RPTOR: variants seen among roughly 807,000 people sequenced by gnomAD.
The protein encoded by RPTOR is regulatory associated protein of MTOR complex 1, also known as regulatory-associated protein of mTOR.
Under a neutral mutation model 169.9 loss-of-function variants are expected in RPTOR, and 21 were observed. That is an observed-to-expected ratio of 0.12 (90% CI 0.09 to 0.18). The LOEUF (loss-of-function observed/expected upper bound fraction) is 0.18, where lower values mean the gene tolerates loss of function less well. Among genes scored for constraint, RPTOR ranks in the 10% least tolerant of loss-of-function variants. The pLI, the probability that RPTOR is intolerant of heterozygous loss-of-function variation, is 1.00. For missense variants in RPTOR, 1,133 were observed against 1,855.9 expected, an observed-to-expected ratio of 0.61 and a Z score of 7.16; for synonymous variants, 732 against 753.2, an observed-to-expected ratio of 0.97 and a Z score of 0.46.
intron 7 of RPTOR, among the ~76,000 whole-genome samples, chr17:80,798,290 G>A (rs1045967458): frequency 1.2e-4 from 19 of 152,150 alleles, no homozygotes; most frequent in Non-Finnish European, 7.3e-5. Flanking sequence ...CTCTGGAGCC[G>A]CCTTGCCCAT....
intron 4 of RPTOR, among the ~76,000 whole-genome samples, chr17:80,725,972 A>ATGT (rs1173668733): frequency 1.3e-5 from 2 of 152,154 alleles, no homozygotes; most frequent in Non-Finnish European, 2.9e-5. Context: ...ATGTCCAGCA[A>ATGT]CCTGGAGATT....
At chr17:80,907,861 T>C (rs935202092) in intron 20 of RPTOR, among the ~76,000 whole-genome samples, 9 of 152,212 alleles carry the variant, frequency 5.9e-5, no homozygotes, top group African/African-American at 1.9e-4. Context: ...TTCGTGCCTC[T>C]TCCACCAGGC....
At chr17:80,685,627 A>ATATTTTTTTTTTTTTTTT (rs1269766086) in intron 3 of RPTOR, among the ~76,000 whole-genome samples, 1 of 30,700 alleles carries the variant, frequency 3.3e-5, no homozygotes, top group Non-Finnish European at 5.4e-5. Flanking sequence ...ATATATATAT[A>ATATTTTTTTTTTTTTTTT]TTTTTTTTTT....
Position 80,885,076 on chromosome 17 carries a change from C to T in RPTOR, c.1911C>T (p.Ser637=). ...VGNSAERTDH[S]TTIDHNVAMM... is the part of the protein sequence containing the mutation. The stretch of plus-strand genomic sequence containing the variant: ...ACTCTGCAGAGAGGACGGACCACTC[C>T]ACCACCATCGACCACAACGTGGCCA... The change falls in exon 17 of 34, where the codon TCC becomes TCT. Residue 637 remains serine (S), a synonymous_variant. Transcript: ENST00000306801. 3 of 1,604,172 alleles carry T rather than the reference C, an allele frequency of 1.9e-6. No individual in the cohort carries two copies. The highest frequency in any genetic ancestry group is 2.6e-6 in the Non-Finnish European group (3 of 1,176,314).
chr17:80,702,298 A>G (rs528646640), intron 3 of RPTOR, among the ~76,000 whole-genome samples: 2 of 151,944 alleles, frequency 1.3e-5, no homozygotes, highest in Admixed American at 1.3e-4. Flanking sequence ...CTGCTGTCAC[A>G]TCCTCCAAAA....
intron 16 of RPTOR, among the ~76,000 whole-genome samples, chr17:80,884,771 C>T (rs2068225316): frequency 6.6e-6 from 1 of 152,212 alleles, no homozygotes; most frequent in Non-Finnish European, 1.5e-5. Context: ...GTTCCCGGGG[C>T]AATGCAGCTC....
At chr17:80,716,277 G>A (rs1025105415) in intron 4 of RPTOR, among the ~76,000 whole-genome samples, 127 of 152,248 alleles carry the variant, frequency 8.3e-4, no homozygotes, top group African/African-American at 2.9e-3. Context: ...AGGTAAGGTG[G>A]TATCTATTGC....
intron 20 of RPTOR, among the ~76,000 whole-genome samples, chr17:80,897,372 A>G (rs2068419993): frequency 6.6e-6 from 1 of 152,178 alleles, no homozygotes; most frequent in Non-Finnish European, 1.5e-5. Flanking sequence ...GCTCTATATC[A>G]GTTTATAGAA....
At chr17:80,857,659 G>T in intron 12 of RPTOR, 131 bp from the exon 13 acceptor site, 1 of 620,412 alleles carries the variant, frequency 1.6e-6, no homozygotes, top group East Asian at 2.7e-5. Flanking sequence ...CTTTAAGTGA[G>T]GCCCATTCAT....
At position 80,917,701 on chromosome 17, in the gene RPTOR, G is replaced by A. The variant is rs151253919; in HGVS notation, c.2521-5023G>A. Among the ~76,000 whole-genome samples, 132 of 152,172 alleles carry A rather than the reference G, an allele frequency of 8.7e-4. 1 individual carries two copies. The highest frequency in any genetic ancestry group is 2.8e-3 in the African/African-American group (118 of 41,508). The stretch of plus-strand genomic sequence containing the variant: ...GATATTCTGATTTCTTTTTAACCTC[G>A]TCAAATGGCATTTCCTTAACTGAGA... On this transcript the variant is annotated intron_variant, in intron 21 of 33. Coordinates refer to ENST00000306801, the MANE Select transcript of RPTOR (RefSeq NM_020761.3).
At chr17:80,619,312 A>G (rs2065337800) in intron 1 of RPTOR, among the ~76,000 whole-genome samples, 1 of 152,136 alleles carries the variant, frequency 6.6e-6, no homozygotes, top group South Asian at 2.1e-4. Flanking sequence ...TAATTTCTTC[A>G]TTCTGCATGG....
intron 1 of RPTOR, among the ~76,000 whole-genome samples, chr17:80,546,961 C>T (rs571458565): frequency 6.6e-5 from 10 of 151,976 alleles, no homozygotes; most frequent in Non-Finnish European, 1.2e-4. Context: ...CCCAGCTACT[C>T]GAGAAGCTGA....
At chr17:80,588,256 G>C (rs895098630) in intron 1 of RPTOR, among the ~76,000 whole-genome samples, 5 of 151,104 alleles carry the variant, frequency 3.3e-5, no homozygotes, top group South Asian at 2.1e-4. Flanking sequence ...TCCGCCTCTC[G>C]GGGTCAGGCA....
intron 24 of RPTOR, among the ~76,000 whole-genome samples, chr17:80,937,735 A>G (rs994086691): frequency 1.3e-5 from 2 of 152,228 alleles, no homozygotes; most frequent in Non-Finnish European, 2.9e-5. Context: ...AGAGCCGATG[A>G]TGAAGAGCTG....
intron 2 of RPTOR, among the ~76,000 whole-genome samples, chr17:80,632,353 G>A (rs575912411): frequency 1.3e-5 from 2 of 152,312 alleles, no homozygotes; most frequent in Admixed American, 6.5e-5. Flanking sequence ...CAGGCCCTTC[G>A]GGGTTGTGTA....
In RPTOR at chr17:80,545,501, CTT is replaced by C. The variant is rs1473241412; in HGVS notation, c.-127_-126del. 2.8e-6 allele frequency: 2 copies of C among 718,276 alleles called. No individual in the cohort carries two copies. The highest frequency in any genetic ancestry group is 2.6e-5 in the Admixed American group (1 of 38,490). The allele number at this position is 718,276 out of a possible 1,614,324, so 44.5% of individuals were successfully genotyped here. On this transcript the variant is annotated 5_prime_UTR_variant, in exon 1 of 34. Transcript: ENST00000306801. ...TTGCCTGAGTAAGGGTCTCCGCACT[CTT>C]TATCCATTTGGTTTTCGATTTCCCG...
chr17:80,683,403 A>T (rs2065912840), intron 3 of RPTOR, among the ~76,000 whole-genome samples: 1 of 152,064 alleles, frequency 6.6e-6, no homozygotes, highest in African/African-American at 2.4e-5. Flanking sequence ...TTGTCCCATG[A>T]TTGGCCATAC....
chr17:80,575,586 A>T (rs1167288519), intron 1 of RPTOR, among the ~76,000 whole-genome samples: 1 of 152,144 alleles, frequency 6.6e-6, no homozygotes, highest in Non-Finnish European at 1.5e-5. Flanking sequence ...GCATACATGC[A>T]TGCACACGCT....
At chr17:80,563,352 G>A (rs1261989314) in intron 1 of RPTOR, among the ~76,000 whole-genome samples, 3 of 151,758 alleles carry the variant, frequency 2.0e-5, no homozygotes, top group African/African-American at 7.3e-5. Flanking sequence ...GGCCAACATA[G>A]TGAAACCCCG....
Sources: gnomAD v4.1 joint callset for allele counts (sites outside exome capture counted in the v4.1 genomes callset) on GRCh38, gnomAD v4.1.1 for gene constraint, MANE v1.5 for transcripts, NCBI Gene and HGNC (gene_info 2026-07-23, HGNC 2026-07-21) for gene names.